The following MEF2A variants were observed in gnomAD, a reference collection of about 807,000 sequenced individuals.
MEF2A encodes the protein myocyte-specific enhancer factor 2A.
In MEF2A, 28 loss-of-function variants were observed where a neutral mutation model predicts 55.8. That is an observed-to-expected ratio of 0.50 (90% confidence interval 0.37 to 0.69). The LOEUF is 0.69. MEF2A is among the 30% of genes least tolerant of loss of function. The pLI is 0.00. For missense variants in MEF2A, 528 were observed against 626.2 expected, an observed-to-expected ratio of 0.84 and a Z score of 1.67; for synonymous variants, 239 against 227.1, an observed-to-expected ratio of 1.05 and a Z score of -0.47.
intron 2 of MEF2A, among the ~76,000 whole-genome samples, chr15:99,600,656 A>C (rs1972664722): frequency 6.6e-6 from 1 of 152,030 alleles, no homozygotes; most frequent in African/African-American, 2.4e-5. Context: ...TTTTTTGAAA[A>C]CATTATATTT....
At chr15:99,603,543 TTGTGTGTGTG>T (rs1300288383) in intron 2 of MEF2A, among the ~76,000 whole-genome samples, 17 of 126,496 alleles carry the variant, frequency 1.3e-4, no homozygotes, top group Admixed American at 6.6e-4. Flanking sequence ...CTGGCTGATT[TTGTGTGTGTG>T]TGTGTGTGTG....
Position 99,589,286 on chromosome 15 carries a change from A to G in MEF2A, c.-224-9144A>G, listed in dbSNP as rs915129659. The stretch of plus-strand genomic sequence containing the variant: ...TTCTGTGTCAGTTTTGATAGTCTGC[A>G]TGTTCTAAGAAATTTTGTCTACTTA... On this transcript the variant is annotated intron_variant, in intron 1 of 11. Transcript: ENST00000557942. Among the ~76,000 whole-genome samples, 9 of 152,334 alleles carry G rather than the reference A, an allele frequency of 5.9e-5. No individual in the cohort carries two copies. The South Asian group carries it at 1.0e-3, about 18-fold the overall frequency.
At chr15:99,567,640 T>G (rs1282003381) in intron 1 of MEF2A, among the ~76,000 whole-genome samples, 1 of 146,322 alleles carries the variant, frequency 6.8e-6, no homozygotes, top group South Asian at 2.2e-4. Flanking sequence ...TGTGTGTGTG[T>G]GTGTGTGTGT....
chr15:99,615,906 C>T (rs961896122), intron 2 of MEF2A, among the ~76,000 whole-genome samples: 2 of 152,146 alleles, frequency 1.3e-5, no homozygotes, highest in African/African-American at 4.8e-5. Context: ...GAAACTGTGG[C>T]TGAGCAAGTA....
intron 2 of MEF2A, among the ~76,000 whole-genome samples, chr15:99,599,203 TCTACTTAA>T (rs1194169254): frequency 6.6e-6 from 1 of 152,148 alleles, no homozygotes; most frequent in Non-Finnish European, 1.5e-5. Context: ...AATTCCACCT[TCTACTTAA>T]AATGGAAAAG....
chr15:99,588,490 G>C (rs973489959), intron 1 of MEF2A, among the ~76,000 whole-genome samples: 1 of 151,562 alleles, frequency 6.6e-6, no homozygotes, highest in Non-Finnish European at 1.5e-5. Flanking sequence ...TATTTTAGCA[G>C]ACTCAAGGTT....
At chr15:99,650,198 A>G (rs2046621619) in intron 4 of MEF2A, among the ~76,000 whole-genome samples, 1 of 152,208 alleles carries the variant, frequency 6.6e-6, no homozygotes, top group African/African-American at 2.4e-5. Context: ...TGGGATGCAC[A>G]TTAAAATGAC....
Position 99,570,290 on chromosome 15 carries a change from C to A in MEF2A, c.-225+4186C>A, listed in dbSNP as rs1481870722. The stretch of plus-strand genomic sequence containing the variant: ...ATCAAACTTCTAGTAAATACCAACC[C>A]GGGCATGTCTTTTTATGGTTGTCTT... On this transcript the variant is annotated intron_variant, in intron 1 of 11. Coordinates refer to ENST00000557942, the MANE Select transcript of MEF2A (RefSeq NM_001319206.4). 2.0e-5 allele frequency among the ~76,000 whole-genome samples: 3 copies of A among 152,136 alleles called. No individual in the cohort carries two copies. The South Asian group carries it at 6.2e-4, about 32-fold the overall frequency.
At chr15:99,664,403 A>G (rs1275421452) in intron 4 of MEF2A, among the ~76,000 whole-genome samples, 2 of 152,244 alleles carry the variant, frequency 1.3e-5, no homozygotes, top group African/African-American at 4.8e-5. Flanking sequence ...CATCTCTGCC[A>G]CCAAGGCTGG....
At chr15:99,568,414 T>C (rs1960688350) in intron 1 of MEF2A, among the ~76,000 whole-genome samples, 1 of 152,246 alleles carries the variant, frequency 6.6e-6, no homozygotes, top group African/African-American at 2.4e-5. Context: ...CAAAGCAATT[T>C]CGTTACAATT....
intron 4 of MEF2A, among the ~76,000 whole-genome samples, chr15:99,669,423 A>G (rs1478540429): frequency 1.3e-5 from 2 of 152,168 alleles, no homozygotes; most frequent in Non-Finnish European, 2.9e-5. Flanking sequence ...CCTCATAGCT[A>G]CTTGGAAAGA....
At chr15:99,668,546 T>A (rs2050236847) in intron 4 of MEF2A, among the ~76,000 whole-genome samples, 1 of 152,240 alleles carries the variant, frequency 6.6e-6, no homozygotes, top group Non-Finnish European at 1.5e-5. Context: ...TTAGAATGGA[T>A]TATAATGACT....
At chr15:99,600,407 C>T (rs1023275918) in intron 2 of MEF2A, among the ~76,000 whole-genome samples, 17 of 152,144 alleles carry the variant, frequency 1.1e-4, no homozygotes, top group Non-Finnish European at 8.8e-5. Context: ...TGAATAGATT[C>T]GTATGTTAAC....
chr15:99,681,804 A>G (rs887478541), intron 7 of MEF2A: 1 of 152,204 alleles, frequency 6.6e-6, no homozygotes, highest in Admixed American at 6.5e-5. Flanking sequence ...AGTCAGGTGC[A>G]GTAGTGAGAA....
intron 2 of MEF2A, among the ~76,000 whole-genome samples, chr15:99,619,044 C>A (rs552227917): frequency 2.0e-5 from 3 of 152,238 alleles, no homozygotes; most frequent in African/African-American, 7.2e-5. Flanking sequence ...GATTGTAACA[C>A]CTCTGGCATG....
chr15:99,667,763 A>G (rs1385697911), intron 4 of MEF2A, among the ~76,000 whole-genome samples: 3 of 152,316 alleles, frequency 2.0e-5, no homozygotes, highest in Admixed American at 2.0e-4. Flanking sequence ...TTGCACATCT[A>G]CAAACACAAA....
At chr15:99,582,352 C>A (rs1339449759) in intron 1 of MEF2A, among the ~76,000 whole-genome samples, 1 of 152,052 alleles carries the variant, frequency 6.6e-6, no homozygotes, top group East Asian at 1.9e-4. Context: ...CGTCATTCTT[C>A]CTTGTATCCC....
intron 9 of MEF2A, 151 bp from the exon 10 acceptor site, chr15:99,706,578 C>G (rs773521804): frequency 1.1e-5 from 8 of 730,880 alleles, no homozygotes; most frequent in South Asian, 3.7e-5. Context: ...TTTAGTTATT[C>G]TCACTAGTAT....
intron 2 of MEF2A, among the ~76,000 whole-genome samples, chr15:99,614,257 T>A (rs1027573388): frequency 1.3e-5 from 2 of 152,228 alleles, no homozygotes; most frequent in South Asian, 4.1e-4. Flanking sequence ...CAGTGAAGAA[T>A]AACTTCTTTT....
Sources: gnomAD v4.1 joint callset for allele counts (sites outside exome capture counted in the v4.1 genomes callset) on GRCh38, gnomAD v4.1.1 for gene constraint, MANE v1.5 for transcripts, NCBI Gene and HGNC (gene_info 2026-07-23, HGNC 2026-07-21) for gene names.